The following MRTFA variants were observed in gnomAD, a reference collection of about 807,000 sequenced individuals.
MRTFA encodes the protein myocardin related transcription factor A.
Under a neutral mutation model 83.5 loss-of-function variants are expected in MRTFA, and 20 were observed. That is an observed-to-expected ratio of 0.24 (90% CI 0.17 to 0.35). The LOEUF (loss-of-function observed/expected upper bound fraction) is 0.35, where lower values mean the gene tolerates loss of function less well. Ranked by LOEUF, MRTFA falls within the 10% of genes least tolerant of loss-of-function variation. The pLI is 1.00. For synonymous variants in MRTFA, 659 were observed against 541.2 expected (o/e 1.22, Z -3.02); for missense variants, 1,200 against 1,224.7 (o/e 0.98, Z 0.30).
At chr22:40,532,243 G>T (rs1569315056) in intron 3 of MRTFA, among the ~76,000 whole-genome samples, 1 of 152,162 alleles carries the variant, frequency 6.6e-6, no homozygotes, top group African/African-American at 2.4e-5. Flanking sequence ...CCTTTATAAA[G>T]AAAAGTTACT....
intron 9 of MRTFA, among the ~76,000 whole-genome samples, chr22:40,421,428 G>A (rs773449179): frequency 2.0e-4 from 31 of 152,146 alleles, no homozygotes; most frequent in Non-Finnish European, 1.0e-4. Flanking sequence ...CTCGGGCTGC[G>A]CCAGACCAGG....
chr22:40,480,705 G>A lies in MRTFA; in HGVS notation c.242-17419C>T, dbSNP rs534805274. On this transcript the variant is annotated intron_variant, in intron 3 of 14. Coordinates refer to ENST00000355630, the MANE Select transcript of MRTFA (RefSeq NM_020831.6). ...CGCACCTGTAATCCCTGCACTTTGG[G>A]AGGCCAAGGTGGGAGGATCACGCCC... Among the ~76,000 whole-genome samples, 50 of 151,690 alleles carry A rather than the reference G, an allele frequency of 3.3e-4. No individual in the cohort carries two copies. The East Asian group carries it at 7.9e-3, about 24-fold the overall frequency.
Position 40,477,175 on chromosome 22 carries a change from CAAAAAAAAAAAAA to C in MRTFA, c.242-13902_242-13890del, listed in dbSNP as rs55932110. Among the ~76,000 whole-genome samples, 386 of 59,616 alleles carry C rather than the reference CAAAAAAAAAAAAA, an allele frequency of 6.5e-3. 4 individuals carry two copies. The highest frequency in any genetic ancestry group is 0.023 in the Middle Eastern group (2 of 88). The allele number at this position is 59,616 out of a possible 152,430, so 39.1% of individuals were successfully genotyped here. A position where few individuals can be genotyped will look rare whatever the true frequency, so the allele number is the denominator to read the frequency against. ...TGAAACCCTGTCTCTACTAAAAATACAAAAAAAAAAAAAAAAAAAAAAAAAATAGCCGGGCATG... is the reference window on the plus strand; with the variant it reads ...TGAAACCCTGTCTCTACTAAAAATACAAAAAAAAAAAAATAGCCGGGCATG... On this transcript the variant is annotated intron_variant, in intron 3 of 14. Coordinates refer to ENST00000355630, the MANE Select transcript of MRTFA (RefSeq NM_020831.6).
At chr22:40,537,012 T>C (rs1376033998) in intron 3 of MRTFA, among the ~76,000 whole-genome samples, 1 of 37,440 alleles carries the variant, frequency 2.7e-5, no homozygotes, top group African/African-American at 1.3e-4. Context: ...GGGAGGGAGG[T>C]GGGGGGGGGT....
At chr22:40,547,054 C>G (rs908517504) in intron 3 of MRTFA, among the ~76,000 whole-genome samples, 1 of 151,964 alleles carries the variant, frequency 6.6e-6, no homozygotes, top group African/African-American at 2.4e-5. Context: ...ACTCGGGAGG[C>G]TGAGGCAGGA....
chr22:40,586,299 T>C (rs1311146729), intron 2 of MRTFA, among the ~76,000 whole-genome samples: 1 of 149,460 alleles, frequency 6.7e-6, no homozygotes, highest in African/African-American at 2.4e-5. Context: ...GAAAGAACAG[T>C]ACAAACAATA....
At chr22:40,510,371 A>C (rs2054648439) in intron 3 of MRTFA, among the ~76,000 whole-genome samples, 1 of 152,318 alleles carries the variant, frequency 6.6e-6, no homozygotes, top group Admixed American at 6.5e-5. Context: ...ATCACAAAGA[A>C]GGCAAGCTCA....
intron 2 of MRTFA, among the ~76,000 whole-genome samples, chr22:40,590,567 TGAGGCAC>T (rs1342361266): frequency 6.6e-6 from 1 of 150,744 alleles, no homozygotes; most frequent in Non-Finnish European, 1.5e-5. Context: ...CTCAGGAGGC[TGAGGCAC>T]GAGAATTGCT....
At chr22:40,528,941 C>A (rs2055027651) in intron 3 of MRTFA, among the ~76,000 whole-genome samples, 1 of 151,612 alleles carries the variant, frequency 6.6e-6, no homozygotes, top group Non-Finnish European at 1.5e-5. Flanking sequence ...CAAGACAATT[C>A]TTCTTCTTCC....
chr22:40,520,962 T>C (rs1371112256), intron 3 of MRTFA, among the ~76,000 whole-genome samples: 4 of 152,212 alleles, frequency 2.6e-5, no homozygotes, highest in African/African-American at 9.7e-5. Flanking sequence ...GTTTAACTTT[T>C]TGAAAAGCTG....
intron 3 of MRTFA, among the ~76,000 whole-genome samples, chr22:40,519,029 T>G (rs1486296330): frequency 6.6e-6 from 1 of 151,180 alleles, no homozygotes. Flanking sequence ...TTTTTTTTTT[T>G]GAAGCAGGGT....
chr22:40,490,871 T>C (rs1366476336), intron 3 of MRTFA, among the ~76,000 whole-genome samples: 1 of 152,180 alleles, frequency 6.6e-6, no homozygotes, highest in East Asian at 1.9e-4. Context: ...GAGAAGAAAA[T>C]ATTGACAATT....
intron 4 of MRTFA, among the ~76,000 whole-genome samples, chr22:40,462,288 A>T (rs1234720079): frequency 6.6e-6 from 1 of 152,212 alleles, no homozygotes; most frequent in Non-Finnish European, 1.5e-5. Flanking sequence ...AGCTGGATTT[A>T]TCTTGCTGCA....
chr22:40,440,802 G>A (rs916794859), intron 4 of MRTFA, among the ~76,000 whole-genome samples: 35 of 152,204 alleles, frequency 2.3e-4, no homozygotes, highest in African/African-American at 8.0e-4. Context: ...ACAATGGGGA[G>A]TCAGATCACC....
Position 40,423,619 on chromosome 22 carries a change from G to C in MRTFA, c.844C>G (p.Leu282Val). ...GGAGGCAGCAGAGGTGGGGGAGGCA[G>C]AGGAGGCTGCTCTGCCAGGAAAAGC... The change falls in exon 9 of 15, where the codon CTG becomes GTG. Residue 282 changes from leucine to valine, a missense_variant. By Grantham distance (32) the Leu-to-Val change is conservative. This residue lies in a region of MRTFA where 1,107 missense variants were observed against 1,041.8 expected (regional missense o/e 1.06). Coordinates refer to ENST00000355630, the MANE Select transcript of MRTFA (RefSeq NM_020831.6). The C allele has an allele frequency of 6.2e-7, 1 of 1,600,194 alleles. No individual in the cohort carries two copies. The highest frequency in any genetic ancestry group is 8.5e-7 in the Non-Finnish European group (1 of 1,172,708).
At chr22:40,630,347 C>T (rs1365336584) in intron 1 of MRTFA, among the ~76,000 whole-genome samples, 2 of 151,978 alleles carry the variant, frequency 1.3e-5, no homozygotes, top group Non-Finnish European at 2.9e-5. Flanking sequence ...ATAAAAGGTA[C>T]AGGCCTGGGT....
intron 2 of MRTFA, among the ~76,000 whole-genome samples, chr22:40,578,214 A>G (rs1332866873): frequency 2.0e-5 from 3 of 152,164 alleles, no homozygotes; most frequent in Non-Finnish European, 4.4e-5. Context: ...TTGGCCTCCC[A>G]GAGTGCTGGG....
chr22:40,524,415 G>GT (rs757196744), intron 3 of MRTFA, among the ~76,000 whole-genome samples: 4 of 152,204 alleles, frequency 2.6e-5, no homozygotes, highest in Admixed American at 6.5e-5. Context: ...TTAACGTGTT[G>GT]TTTTTTGACA....
chr22:40,514,795 A>G (rs920110486), intron 3 of MRTFA, among the ~76,000 whole-genome samples: 1 of 151,798 alleles, frequency 6.6e-6, no homozygotes, highest in African/African-American at 2.4e-5. Flanking sequence ...TACCTCTTAC[A>G]AAGGAACGGT....
Sources: allele counts gnomAD v4.1 joint callset (sites outside exome capture counted in the v4.1 genomes callset), GRCh38; gene constraint gnomAD v4.1.1; regional missense constraint gnomAD v4.1.1; transcripts MANE v1.5; gene names NCBI Gene and HGNC (gene_info 2026-07-23, HGNC 2026-07-21).